OSBPL1A: variants seen among roughly 807,000 people sequenced by gnomAD.
OSBPL1A encodes the protein oxysterol binding protein like 1A, also known as oxysterol-binding protein-related protein 1.
OSBPL1A carries 80 observed loss-of-function variants against 137.1 expected under a neutral mutation model. The observed-to-expected ratio is 0.58, with a 90% CI of 0.49 to 0.70. The LOEUF is 0.70. Ranked by LOEUF, OSBPL1A falls within the 30% of genes least tolerant of loss-of-function variation. The pLI is 0.00. For synonymous variants in OSBPL1A, 365 were observed against 389.7 expected, an observed-to-expected ratio of 0.94 and a Z score of 0.75; for missense variants, 970 against 1,129.4, an observed-to-expected ratio of 0.86 and a Z score of 2.02.
In OSBPL1A at chr18:24,175,119, T is replaced by TATACGTATATATAC. The variant is rs1567920160; in HGVS notation, c.2094-2637_2094-2636insGTATATATACGTAT. ...TTTGCCATGTGTATGTATATATATA[T>TATACGTATATATAC]ATATATATATATATATACACATATA... On this transcript the variant is annotated intron_variant, in intron 21 of 27. Coordinates refer to ENST00000319481, the MANE Select transcript of OSBPL1A (RefSeq NM_080597.4). Among the ~76,000 whole-genome samples the TATACGTATATATAC allele has an allele frequency of 1.8e-4, 23 of 128,498 alleles. 1 individual carries two copies. Among genetic ancestry groups the TATACGTATATATAC allele is most frequent in the African/African-American group, 7.7e-4 (22 of 28,626 alleles). 84.3% of individuals were successfully genotyped at this position (128,498 alleles called of 152,430 possible). A position where few individuals can be genotyped will look rare whatever the true frequency, so the allele number is the denominator to read the frequency against.
At chr18:24,356,884 C>A (rs1432966831) in intron 4 of OSBPL1A, among the ~76,000 whole-genome samples, 2 of 152,092 alleles carry the variant, frequency 1.3e-5, no homozygotes, top group Non-Finnish European at 1.5e-5. Context: ...GAAACTCAAC[C>A]AAATAGTGAC....
rs112792576 is a variant in OSBPL1A, at chr18:24,268,739, A to C, written c.1281+12103T>G. ...CTCCCTTTCTTTCACTTGTCTTTTA[A>C]GCATCAGTATTCAATCTTTTGATTT... On this transcript the variant is annotated intron_variant, in intron 15 of 27. Coordinates refer to ENST00000319481, the MANE Select transcript of OSBPL1A (RefSeq NM_080597.4). Among the ~76,000 whole-genome samples, 735 of 152,150 alleles carry C rather than the reference A, an allele frequency of 4.8e-3. 6 individuals carry two copies. Among genetic ancestry groups the C allele is most frequent in the African/African-American group, 0.017 (705 of 41,542 alleles).
chr18:24,295,184 T>A, intron 14 of OSBPL1A, among the ~76,000 whole-genome samples: 1 of 152,176 alleles, frequency 6.6e-6, no homozygotes, highest in Non-Finnish European at 1.5e-5. Context: ...AGCATTTTTT[T>A]ATATGTTTGT....
At chr18:24,233,233 C>T (rs2088337003) in intron 16 of OSBPL1A, among the ~76,000 whole-genome samples, 2 of 152,138 alleles carry the variant, frequency 1.3e-5, no homozygotes, top group South Asian at 4.1e-4. Context: ...ATGAGAGATT[C>T]CTAAAGTCAT....
intron 17 of OSBPL1A, among the ~76,000 whole-genome samples, chr18:24,198,415 G>T (rs755224470): frequency 2.0e-5 from 3 of 152,124 alleles, no homozygotes; most frequent in Non-Finnish European, 4.4e-5. Flanking sequence ...AACTTTCTGT[G>T]ATTTTATGAG....
chr18:24,344,705 T>C (rs1257068380), intron 4 of OSBPL1A, among the ~76,000 whole-genome samples: 1 of 151,772 alleles, frequency 6.6e-6, no homozygotes, highest in East Asian at 1.9e-4. Flanking sequence ...GAGCAACAGG[T>C]GAAAGTGCCG....
chr18:24,258,482 G>C (rs1599575661), intron 15 of OSBPL1A, among the ~76,000 whole-genome samples: 1 of 152,326 alleles, frequency 6.6e-6, no homozygotes, highest in South Asian at 2.1e-4. Context: ...GAGAAGGGTA[G>C]TGGGGCAGGG....
At chr18:24,182,039 G>C (rs2086620348) in intron 18 of OSBPL1A, among the ~76,000 whole-genome samples, 1 of 151,924 alleles carries the variant, frequency 6.6e-6, no homozygotes, top group Non-Finnish European at 1.5e-5. Flanking sequence ...ATTTTTGTGA[G>C]TAATTTTCCA....
At chr18:24,322,567 G>A (rs138084347) in intron 7 of OSBPL1A, among the ~76,000 whole-genome samples, 1 of 152,152 alleles carries the variant, frequency 6.6e-6, no homozygotes, top group Non-Finnish European at 1.5e-5. Context: ...TAGTTTTTCT[G>A]CCTAGCACAT....
At chr18:24,390,694 C>CAAAAAAAAAA (rs751432894) in intron 1 of OSBPL1A, among the ~76,000 whole-genome samples, 3 of 56,212 alleles carry the variant, frequency 5.3e-5, no homozygotes, top group African/African-American at 1.4e-4. Flanking sequence ...GACTCCGTCT[C>CAAAAAAAAAA]AAAAAAAAAA....
intron 21 of OSBPL1A, among the ~76,000 whole-genome samples, chr18:24,175,116 A>ATG (rs2086403176): frequency 3.1e-5 from 1 of 32,786 alleles, no homozygotes; most frequent in African/African-American, 6.1e-5. Flanking sequence ...ATGTATATAT[A>ATG]TATATATATA....
intron 17 of OSBPL1A, among the ~76,000 whole-genome samples, chr18:24,216,501 T>G (rs192187155): frequency 1.4e-3 from 217 of 152,276 alleles, no homozygotes; most frequent in African/African-American, 5.0e-3. Flanking sequence ...AGCGAGACTG[T>G]GTCTCCAGAA....
chr18:24,355,727 G>A (rs776930403), intron 4 of OSBPL1A, among the ~76,000 whole-genome samples: 11 of 152,048 alleles, frequency 7.2e-5, no homozygotes, highest in Non-Finnish European at 2.9e-5. Context: ...GCTCACGCTT[G>A]TAAACCCAGC....
chr18:24,209,097 C>T (rs1047530689), intron 17 of OSBPL1A, among the ~76,000 whole-genome samples: 9 of 152,070 alleles, frequency 5.9e-5, no homozygotes, highest in Middle Eastern at 3.4e-3. Context: ...TCTGTTCAAA[C>T]AAAGAAGAAA....
intron 18 of OSBPL1A, among the ~76,000 whole-genome samples, chr18:24,183,731 C>T (rs1370792410): frequency 6.6e-6 from 1 of 152,172 alleles, no homozygotes; most frequent in African/African-American, 2.4e-5. Context: ...CCACCGTGCC[C>T]AGCCCAGATT....
intron 4 of OSBPL1A, among the ~76,000 whole-genome samples, chr18:24,349,389 T>C (rs1170199365): frequency 6.6e-6 from 1 of 152,144 alleles, no homozygotes. Flanking sequence ...AGTGAGAAAT[T>C]TCTTCATTAA....
rs1378314675 is a variant in OSBPL1A, at chr18:24,291,963, T to C, written c.1175-11015A>G. Among the ~76,000 whole-genome samples, 3 of 152,084 alleles carry C rather than the reference T, an allele frequency of 2.0e-5. No homozygotes were observed. In the East Asian group the frequency reaches 5.8e-4, roughly 29 times the overall value. Reference sequence around the variant, plus strand: ...CCAGGCATGGTGGCAGGTGCACCTGTAATCCCAGCTACTCAGGAGGCTGAG... The same window carrying C: ...CCAGGCATGGTGGCAGGTGCACCTGCAATCCCAGCTACTCAGGAGGCTGAG... On this transcript the variant is annotated intron_variant, in intron 14 of 27. Transcript: ENST00000319481.
intron 4 of OSBPL1A, among the ~76,000 whole-genome samples, chr18:24,346,981 C>G (rs2091357082): frequency 6.6e-6 from 1 of 151,806 alleles, no homozygotes; most frequent in Non-Finnish European, 1.5e-5. Flanking sequence ...GACTCCTGGC[C>G]TCAAGCAATC....
intron 5 of OSBPL1A, among the ~76,000 whole-genome samples, chr18:24,341,177 A>G (rs754748170): frequency 6.6e-6 from 1 of 152,136 alleles, no homozygotes; most frequent in South Asian, 2.1e-4. Flanking sequence ...TAATTTTTTT[A>G]AAATTTTTTG....
Sources: allele counts gnomAD v4.1 joint callset (sites outside exome capture counted in the v4.1 genomes callset), GRCh38; gene constraint gnomAD v4.1.1; transcripts MANE v1.5; gene names NCBI Gene and HGNC (gene_info 2026-07-23, HGNC 2026-07-21).